Variants in ZNF678 observed in about 807,000 individuals in gnomAD.
ZNF678 encodes zinc finger protein 678, also known as hypothetical protein MGC42493.
Under a neutral mutation model 3.0 loss-of-function variants are expected in ZNF678, and 5 were observed. The ratio of observed to expected loss-of-function variants is 1.69; its 90% confidence interval spans 0.88 to 3.56. The LOEUF is 3.56. ZNF678 is among the 30% of genes most tolerant of loss of function. ZNF678 has a pLI of 0.00. For missense variants in ZNF678, 593 were observed against 605.0 expected (o/e 0.98, Z 0.21); for synonymous variants, 218 against 199.6 (o/e 1.09, Z -0.78).
chr1:227,581,820 G>T (rs1176476114), intron 1 of ZNF678, among the ~76,000 whole-genome samples: 1 of 152,180 alleles, frequency 6.6e-6, no homozygotes, highest in Non-Finnish European at 1.5e-5. Flanking sequence ...TTCAGCTTTA[G>T]TATATACTGC....
chr1:227,639,680 G>A (rs1000383059), intron 1 of ZNF678, among the ~76,000 whole-genome samples: 2 of 152,174 alleles, frequency 1.3e-5, no homozygotes, highest in African/African-American at 2.4e-5. Context: ...CAGAGGCCCC[G>A]TCTTGATAAT....
chr1:227,569,889 A>G (rs1190771460), intron 1 of ZNF678, among the ~76,000 whole-genome samples: 19 of 152,306 alleles, frequency 1.2e-4, no homozygotes, highest in Admixed American at 6.5e-4. Context: ...GGAGGAGCAA[A>G]CACCTCTTTT....
At chr1:227,669,505 C>G (rs1043508834) in intron 5 of ZNF678, among the ~76,000 whole-genome samples, 8 of 151,942 alleles carry the variant, frequency 5.3e-5, no homozygotes, top group Admixed American at 1.3e-4. Flanking sequence ...AAAAATTAGC[C>G]AGGTGCGGTG....
chr1:227,598,664 C>A, intron 1 of ZNF678: 1 of 536,866 alleles, frequency 1.9e-6, no homozygotes, highest in Non-Finnish European at 3.4e-6. Context: ...TTTCTTTCTC[C>A]GTTGCATCTT....
At chr1:227,569,095 A>G (rs1037684643) in intron 1 of ZNF678, among the ~76,000 whole-genome samples, 4 of 152,154 alleles carry the variant, frequency 2.6e-5, no homozygotes, top group African/African-American at 9.7e-5. Flanking sequence ...GGGCTCAAGG[A>G]CTTCCTGCCT....
At position 227,661,135 on chromosome 1, in the gene ZNF678, A is replaced by G. The variant is rs955165425; in HGVS notation, c.*5307A>G. The G allele has an allele frequency of 6.6e-6, 1 of 152,196 alleles. No homozygotes were observed. Among genetic ancestry groups the G allele is most frequent in the South Asian group, 2.1e-4 (1 of 4,836 alleles). 9.4% of individuals were successfully genotyped at this position (152,196 alleles called of 1,614,324 possible). The stretch of plus-strand genomic sequence containing the variant: ...TGAAATTGAGGCCCAGAAACTTTCA[A>G]CTGCTTTGTTCGTTGAATAATGCCA... On this transcript the variant is annotated 3_prime_UTR_variant, in exon 4 of 4. Coordinates refer to ENST00000343776, the MANE Select transcript of ZNF678 (RefSeq NM_001367909.1).
intron 1 of ZNF678, among the ~76,000 whole-genome samples, chr1:227,565,154 C>T (rs533523249): frequency 1.3e-5 from 2 of 150,040 alleles, no homozygotes; most frequent in African/African-American, 2.5e-5. Flanking sequence ...CAGCCTCCGC[C>T]TCCTGGGTTC....
chr1:227,669,654 A>AT (rs1358207288), intron 5 of ZNF678, among the ~76,000 whole-genome samples: 1 of 151,796 alleles, frequency 6.6e-6, no homozygotes, highest in Non-Finnish European at 1.5e-5. Flanking sequence ...CTCAAAAAAA[A>AT]AAAAAATACC....
chr1:227,626,060 C>T (rs1658404847), intron 1 of ZNF678, among the ~76,000 whole-genome samples: 1 of 152,082 alleles, frequency 6.6e-6, no homozygotes, highest in Non-Finnish European at 1.5e-5. Flanking sequence ...AGAAGCTCTT[C>T]CTGCTGGTAG....
intron 1 of ZNF678, among the ~76,000 whole-genome samples, chr1:227,595,171 G>A (rs1370379202): frequency 2.0e-5 from 3 of 146,560 alleles, no homozygotes; most frequent in Non-Finnish European, 4.5e-5. Context: ...TTTTTTCTTA[G>A]CTACTTGTAT....
In ZNF678 at chr1:227,654,528, A is replaced by G; in HGVS notation, c.278A>G (p.Lys93Arg). 4 of 1,613,390 alleles carry G rather than the reference A, an allele frequency of 2.5e-6. No homozygotes were observed. The highest frequency in any genetic ancestry group is 3.4e-6 in the Non-Finnish European group (4 of 1,179,566). ...CNRLTQCSST[K>R]SKIFQCIECG... is the part of the protein sequence containing the mutation. ...AGACTTACTCAATGTTCATCAACTA[A>G]AAGCAAAATCTTTCAATGTATTGAA... The change falls in exon 4 of 4, where the codon AAA becomes AGA. Residue 93 changes from lysine to arginine, a missense_variant. By Grantham distance (26) the Lys-to-Arg change is conservative. Transcript: ENST00000343776.
rs1338856425 is a variant in ZNF678 at position 227,609,963 on chromosome 1, G to C, written c.-163-36581G>C. Among the ~76,000 whole-genome samples the C allele has an allele frequency of 3.3e-5, 5 of 152,098 alleles. No homozygotes were observed. In the East Asian group the frequency reaches 9.6e-4, roughly 29 times the overall value. Reference sequence around the variant, plus strand: ...TTAGCCAGGATGGTCTCGATTTCCTGACCTCGTGATCTGCCCGCCTCCGCT... The same window carrying C: ...TTAGCCAGGATGGTCTCGATTTCCTCACCTCGTGATCTGCCCGCCTCCGCT... On this transcript the variant is annotated intron_variant, in intron 1 of 3. Coordinates refer to ENST00000343776, the MANE Select transcript of ZNF678 (RefSeq NM_001367909.1).
chr1:227,643,843 A>C (rs1247706791), intron 1 of ZNF678, among the ~76,000 whole-genome samples: 2 of 136,262 alleles, frequency 1.5e-5, no homozygotes, highest in African/African-American at 2.7e-5. Context: ...TATTTTATAT[A>C]TTTTCTTTTC....
chr1:227,620,611 T>C (rs1037817850), intron 1 of ZNF678, among the ~76,000 whole-genome samples: 3 of 152,216 alleles, frequency 2.0e-5, no homozygotes, highest in African/African-American at 7.2e-5. Context: ...AATGTAAATA[T>C]GAGTTCCATT....
At chr1:227,564,403 C>G (rs1317649725) in intron 1 of ZNF678, among the ~76,000 whole-genome samples, 1 of 152,148 alleles carries the variant, frequency 6.6e-6, no homozygotes, top group Non-Finnish European at 1.5e-5. Context: ...CATGTAGAAA[C>G]GCAAGACACT....
chr1:227,585,274 T>C (rs917877323), intron 1 of ZNF678, among the ~76,000 whole-genome samples: 37 of 152,220 alleles, frequency 2.4e-4, no homozygotes, highest in African/African-American at 7.7e-4. Flanking sequence ...AGCAAAACTA[T>C]TGGAGGTGCC....
chr1:227,599,306 A>G (rs562344361), intron 1 of ZNF678, among the ~76,000 whole-genome samples: 1 of 152,278 alleles, frequency 6.6e-6, no homozygotes, highest in African/African-American at 2.4e-5. Flanking sequence ...CCACTTCCCC[A>G]TGGTGCTGGG....
downstream of ZNF678, among the ~76,000 whole-genome samples, chr1:227,665,007 G>C (rs1170786364): frequency 1.3e-5 from 2 of 152,212 alleles, no homozygotes; most frequent in African/African-American, 2.4e-5. Context: ...GACCCTAGAA[G>C]TCATTGTGTA....
intron 1 of ZNF678, among the ~76,000 whole-genome samples, chr1:227,593,388 T>C (rs767407483): frequency 4.6e-5 from 7 of 152,218 alleles, no homozygotes; most frequent in Non-Finnish European, 7.3e-5. Flanking sequence ...GGTATGATTT[T>C]AGGAAATTAC....
Sources: gnomAD v4.1 joint callset for allele counts (sites outside exome capture counted in the v4.1 genomes callset) on GRCh38, gnomAD v4.1.1 for gene constraint, MANE v1.5 for transcripts, NCBI Gene and HGNC (gene_info 2026-07-23, HGNC 2026-07-21) for gene names.